ZEB1: variants seen among roughly 807,000 people sequenced by gnomAD.
The protein encoded by ZEB1 is zinc finger E-box binding homeobox 1, also known as zinc finger E-box-binding homeobox 1.
A neutral mutation model predicts 84.9 loss-of-function variants in ZEB1; 21 were observed. The ratio of observed to expected loss-of-function variants is 0.25; its 90% CI spans 0.18 to 0.36. The LOEUF (loss-of-function observed/expected upper bound fraction) is 0.36, where lower values mean the gene tolerates loss of function less well. ZEB1 is among the 10% of genes least tolerant of loss of function. The pLI, the probability that ZEB1 is intolerant of heterozygous loss-of-function variation, is 1.00. For synonymous variants in ZEB1, 420 were observed against 471.1 expected, an observed-to-expected ratio of 0.89 and a Z score of 1.41; for missense variants, 1,104 against 1,330.2, an observed-to-expected ratio of 0.83 and a Z score of 2.65.
intron 1 of ZEB1, among the ~76,000 whole-genome samples, chr10:31,324,154 G>A (rs1367312448): frequency 6.6e-6 from 1 of 151,940 alleles, no homozygotes; most frequent in Admixed American, 6.6e-5. Context: ...AAAACTTAAA[G>A]TATCTTATAA....
chr10:31,521,161 A>G lies in ZEB1; in HGVS notation c.1829A>G (p.Glu610Gly). 8.1e-6 allele frequency: 13 copies of G among 1,614,100 alleles called. No individual in the cohort carries two copies. The highest frequency in any genetic ancestry group is 1.1e-5 in the Non-Finnish European group (13 of 1,180,000). Reference sequence around the variant, plus strand: ...GCTTTGAATGCACAACCAAGTGCAGAAGAGCTCTCAAAAATTGCTGATTCA... The same window carrying G: ...GCTTTGAATGCACAACCAAGTGCAGGAGAGCTCTCAAAAATTGCTGATTCA... Reference protein sequence around the residue: ...YYALNAQPSAEELSKIADSVN... With the variant: ...YYALNAQPSAGELSKIADSVN... Residue 610 changes from glutamate to glycine, a missense_variant, in exon 7 of 9, where the codon GAA becomes GGA. Coordinates refer to ENST00000424869, the MANE Select transcript of ZEB1 (RefSeq NM_001174096.2).
chr10:31,489,600 TC>T (rs1211460559), intron 2 of ZEB1, among the ~76,000 whole-genome samples: 1 of 151,376 alleles, frequency 6.6e-6, no homozygotes, highest in African/African-American at 2.4e-5. Flanking sequence ...TTTTTAGTAT[TC>T]CATTTTAATT....
At chr10:31,448,216 G>A (rs1377896643) in intron 1 of ZEB1, among the ~76,000 whole-genome samples, 2 of 134,174 alleles carry the variant, frequency 1.5e-5, no homozygotes, top group East Asian at 4.0e-4. Context: ...GGCTCCTGAG[G>A]CTTCTGCATT....
intron 1 of ZEB1, among the ~76,000 whole-genome samples, chr10:31,330,857 ACCTATT>A (rs2036587790): frequency 6.6e-6 from 1 of 151,188 alleles, no homozygotes; most frequent in Non-Finnish European, 1.5e-5. Context: ...TTATTTTATC[ACCTATT>A]CCTATTCCTT....
chr10:31,323,305 A>G (rs1338160233), intron 1 of ZEB1, among the ~76,000 whole-genome samples: 2 of 152,104 alleles, frequency 1.3e-5, no homozygotes, highest in African/African-American at 4.8e-5. Context: ...TTTAGATGTT[A>G]AAATACATCT....
intron 1 of ZEB1, among the ~76,000 whole-genome samples, chr10:31,442,206 C>T (rs2136581335): frequency 6.6e-6 from 1 of 152,334 alleles, no homozygotes; most frequent in East Asian, 1.9e-4. Flanking sequence ...GGCACATATA[C>T]ACCATGGAAT....
chr10:31,395,159 A>G (rs992630631), intron 1 of ZEB1, among the ~76,000 whole-genome samples: 2 of 152,214 alleles, frequency 1.3e-5, no homozygotes, highest in Non-Finnish European at 2.9e-5. Flanking sequence ...GAATTAATGA[A>G]TAACCTTACC....
chr10:31,373,049 C>G (rs1170549821), intron 1 of ZEB1: 1 of 985,186 alleles, frequency 1.0e-6, no homozygotes, highest in Non-Finnish European at 1.2e-6. Context: ...TGGCAATTGG[C>G]CGAAAACTCC....
At chr10:31,405,528 A>G (rs966555461) in intron 1 of ZEB1, among the ~76,000 whole-genome samples, 7 of 152,112 alleles carry the variant, frequency 4.6e-5, no homozygotes, top group African/African-American at 1.7e-4. Flanking sequence ...TAAAGTGGTA[A>G]TTGTTTCTTG....
At chr10:31,414,591 A>G (rs1481551153) in intron 1 of ZEB1, among the ~76,000 whole-genome samples, 1 of 152,200 alleles carries the variant, frequency 6.6e-6, no homozygotes, top group Non-Finnish European at 1.5e-5. Context: ...CTTCTCAACT[A>G]AGGCACAATC....
intron 1 of ZEB1, chr10:31,387,292 C>T (rs2048795584): frequency 1.0e-6 from 1 of 985,596 alleles, no homozygotes; most frequent in African/African-American, 1.7e-5. Flanking sequence ...TGAGTGCACA[C>T]TCGTGGGCCC....
intron 1 of ZEB1, among the ~76,000 whole-genome samples, chr10:31,450,452 A>C (rs2060426319): frequency 6.6e-6 from 1 of 152,200 alleles, no homozygotes; most frequent in South Asian, 2.1e-4. Context: ...CATTTACCAA[A>C]TGTCCTTACT....
At chr10:31,447,100 G>C (rs1186007029) in intron 1 of ZEB1, among the ~76,000 whole-genome samples, 1 of 149,508 alleles carries the variant, frequency 6.7e-6, no homozygotes. Flanking sequence ...GGGTGCTCCT[G>C]TATTGGGTGC....
chr10:31,318,939 A>C, upstream of ZEB1: 5 of 460,622 alleles, frequency 1.1e-5, no homozygotes, highest in Admixed American at 3.3e-5. Context: ...CCGCGTCCCT[A>C]CGGTTTCCCG....
chr10:31,473,636 A>G (rs1266150996), intron 2 of ZEB1, among the ~76,000 whole-genome samples: 2 of 149,334 alleles, frequency 1.3e-5, no homozygotes, highest in Non-Finnish European at 3.0e-5. Context: ...CATACTGCCC[A>G]AGGTAATTTA....
At chr10:31,381,715 A>G (rs1346526837) in intron 1 of ZEB1, 1 of 152,140 alleles carries the variant, frequency 6.6e-6, no homozygotes, top group African/African-American at 2.4e-5. Flanking sequence ...TGGAGATTTA[A>G]GTATACATTT....
Position 31,520,939 on chromosome 10 carries a change from A to G in ZEB1, c.1607A>G (p.Asp536Gly). 2 of 1,614,136 alleles carry G rather than the reference A, an allele frequency of 1.2e-6. No individual in the cohort carries two copies. The highest frequency in any genetic ancestry group is 1.7e-6 in the Non-Finnish European group (2 of 1,180,016). ...GVNDSTCLLCDDCPGDINALP... is the reference protein window; with the variant it reads ...GVNDSTCLLCGDCPGDINALP... ...AATGATAGCACTTGTCTTCTGTGTG[A>G]TGATTGTCCAGGAGATATTAATGCA... Residue 536 changes from aspartate to glycine, a missense_variant, in exon 7 of 9, where the codon GAT (aspartate) becomes GGT (glycine). By Grantham distance (94) the Asp-to-Gly change is moderately conservative. Around this residue, in one of 7 missense-constraint regions of ZEB1, gnomAD observed 531 missense variants for 575.2 expected, o/e 0.92. Transcript: ENST00000424869. This position sits in a 1 kb window ranked among gnomAD's most constrained non-coding sequence, Gnocchi z 5.1.
At chr10:31,494,611 T>C (rs2066978168) in intron 2 of ZEB1, among the ~76,000 whole-genome samples, 1 of 152,022 alleles carries the variant, frequency 6.6e-6, no homozygotes. Flanking sequence ...TTGATTAGGG[T>C]GCAGATAAGT....
chr10:31,457,811 G>A (rs2061411203), intron 1 of ZEB1, among the ~76,000 whole-genome samples: 1 of 152,044 alleles, frequency 6.6e-6, no homozygotes, highest in Non-Finnish European at 1.5e-5. Flanking sequence ...GAACCAGAAT[G>A]CATATATGTC....
Sources: gnomAD v4.1 joint callset for allele counts (sites outside exome capture counted in the v4.1 genomes callset) on GRCh38, gnomAD v4.1.1 for gene constraint, gnomAD v4.1.1 regional missense constraint, Gnocchi (gnomAD v3.1) non-coding constraint, MANE v1.5 for transcripts, NCBI Gene and HGNC (gene_info 2026-07-23, HGNC 2026-07-21) for gene names.